SPATA18: variants seen among roughly 807,000 people sequenced by gnomAD.
SPATA18 encodes the protein mitochondria-eating protein.
SPATA18 carries 54 observed loss-of-function variants against 68.1 expected under a neutral mutation model. The observed-to-expected ratio is 0.79, with a 90% CI of 0.64 to 0.99. The LOEUF is 0.99. Among genes scored for constraint, SPATA18 ranks in the 50% least tolerant of loss-of-function variants. SPATA18 has a pLI of 0.00. For synonymous variants in SPATA18, 242 were observed against 244.8 expected (o/e 0.99, Z 0.11); for missense variants, 724 against 681.1 (o/e 1.06, Z -0.70).
At chr4:52,087,111 G>T (rs1186192207) in intron 11 of SPATA18, among the ~76,000 whole-genome samples, 3 of 152,122 alleles carry the variant, frequency 2.0e-5, no homozygotes, top group South Asian at 2.1e-4. Flanking sequence ...TTTTGATGGG[G>T]TTGTTTGTTT....
chr4:52,067,077 CTG>C (rs935074485), intron 4 of SPATA18, among the ~76,000 whole-genome samples: 5 of 152,196 alleles, frequency 3.3e-5, no homozygotes, highest in African/African-American at 1.2e-4. Context: ...AATCACCACA[CTG>C]TGTTTCACAA....
rs1742329906 is a variant in SPATA18 at position 52,095,224 on chromosome 4, C to G, written c.*337C>G. The G allele has an allele frequency of 2.9e-6, 1 of 342,330 alleles. No individual in the cohort carries two copies. The highest frequency in any genetic ancestry group is 5.8e-5 in the South Asian group (1 of 17,196). 21.2% of individuals were successfully genotyped at this position (342,330 alleles called of 1,614,324 possible). ...CGCTCTTTTATGGGAACTGTGTGAA[C>G]TGAAGTGGAAAGCATCTACCATGCT... is the stretch of plus-strand genomic sequence containing the variant. On this transcript the variant is annotated 3_prime_UTR_variant, in exon 13 of 13. Transcript: ENST00000295213.
intron 1 of SPATA18, among the ~76,000 whole-genome samples, chr4:52,057,966 T>G (rs572353305): frequency 5.3e-5 from 8 of 152,334 alleles, no homozygotes; most frequent in African/African-American, 1.9e-4. Context: ...GCTGAGATAC[T>G]CAGGTTTGCT....
chr4:52,060,915 T>C lies in SPATA18; in HGVS notation c.309+18T>C. 6.3e-7 allele frequency: 1 copy of C among 1,592,478 alleles called. No individual in the cohort carries two copies. Among genetic ancestry groups the C allele is most frequent in the East Asian group, 2.2e-5 (1 of 44,760 alleles). ...CTCTGCAGGTAGGGATGCTGAAGGATAACCCTTGACTTTCTGAACAGTGAG... is the reference window on the plus strand; with the variant it reads ...CTCTGCAGGTAGGGATGCTGAAGGACAACCCTTGACTTTCTGAACAGTGAG... On this transcript the variant is annotated intron_variant, in intron 3 of 12. Transcript: ENST00000295213.
intron 4 of SPATA18, among the ~76,000 whole-genome samples, chr4:52,068,786 A>G (rs1739546928): frequency 6.6e-6 from 1 of 152,148 alleles, no homozygotes; most frequent in African/African-American, 2.4e-5. Context: ...AGTCAAGAAG[A>G]CTTTGTCAAC....
chr4:52,085,048 T>A, intron 11 of SPATA18, 49 bp downstream of exon 11: 1 of 11,998 alleles, frequency 8.3e-5, no homozygotes. Context: ...TATGGTTGGC[T>A]TTTTTTTTTT....
At chr4:52,059,386 T>C (rs1252533427) in intron 1 of SPATA18, among the ~76,000 whole-genome samples, 1 of 152,252 alleles carries the variant, frequency 6.6e-6, no homozygotes, top group Non-Finnish European at 1.5e-5. Context: ...CTTGTAGTTG[T>C]ATTCCTTCTT....
Position 52,077,252 on chromosome 4 carries a change from ATCCCTCCC to A in SPATA18, c.1020+224_1020+231del, listed in dbSNP as rs997185489. On this transcript the variant is annotated intron_variant, in intron 7 of 12. Transcript: ENST00000295213. ...CCTTCCTTCCTTCCTTGTTCCCTCC[ATCCCTCCC>A]TCCCTCCCTCCTTTCTTTCCTTCCT... Among the ~76,000 whole-genome samples the A allele has an allele frequency of 3.4e-5, 3 of 87,904 alleles. 1 individual carries two copies. The East Asian group carries it at 1.2e-3, about 34-fold the overall frequency. 57.7% of individuals were successfully genotyped at this position (87,904 alleles called of 152,430 possible). A position where few individuals can be genotyped will look rare whatever the true frequency, so the allele number is the denominator to read the frequency against.
chr4:52,090,646 G>T (rs1244407451), intron 11 of SPATA18, among the ~76,000 whole-genome samples: 2 of 152,162 alleles, frequency 1.3e-5, no homozygotes, highest in African/African-American at 2.4e-5. Flanking sequence ...TCTGCAGACA[G>T]ATTCACTCAC....
At position 52,051,550 on chromosome 4, in the gene SPATA18, C is replaced by T. The variant is rs1016220103; in HGVS notation, c.-155C>T. On this transcript the variant is annotated 5_prime_UTR_variant, in exon 1 of 13. Transcript: ENST00000295213. The stretch of plus-strand genomic sequence containing the variant: ...CTGGCTTCCCGAACCCGGCCAGGTC[C>T]GACCCGAGGGGGAGGATGGAAACAC... The T allele has an allele frequency of 2.7e-6, 2 of 739,002 alleles. No individual in the cohort carries two copies. The highest frequency in any genetic ancestry group is 4.6e-6 in the Non-Finnish European group (2 of 433,046). The allele number at this position is 739,002 out of a possible 1,614,324, so 45.8% of individuals were successfully genotyped here.
intron 1 of SPATA18, among the ~76,000 whole-genome samples, chr4:52,053,073 A>G (rs116509647): frequency 0.02 from 3,103 of 152,350 alleles, 48 homozygotes; most frequent in Non-Finnish European, 0.03. Flanking sequence ...AGAATAAGAA[A>G]TTCTAACATG....
chr4:52,084,648 T>C (rs963246789), intron 10 of SPATA18, among the ~76,000 whole-genome samples: 6 of 152,188 alleles, frequency 3.9e-5, no homozygotes, highest in Non-Finnish European at 5.9e-5. Context: ...AATAGCTTAC[T>C]CATAAAAAAC....
intron 8 of SPATA18, 151 bp from the exon 9 acceptor site, chr4:52,079,593 T>C: frequency 1.2e-6 from 1 of 842,166 alleles, no homozygotes; most frequent in Non-Finnish European, 1.8e-6. Flanking sequence ...GCAACATCTT[T>C]CTCCTTTTAG....
intron 10 of SPATA18, 59 bp from the exon 11 acceptor site, chr4:52,084,857 G>A: frequency 1.3e-6 from 2 of 1,533,436 alleles, no homozygotes; most frequent in East Asian, 4.5e-5. Flanking sequence ...GTTGTTTTGA[G>A]CCATGACAGT....
At chr4:52,072,549 T>C (rs1290966715) in intron 6 of SPATA18, among the ~76,000 whole-genome samples, 2 of 152,088 alleles carry the variant, frequency 1.3e-5, no homozygotes, top group South Asian at 4.2e-4. Context: ...ATTATAGGCA[T>C]ACACCACCAT....
chr4:52,053,257 A>T (rs1738056303), intron 1 of SPATA18, among the ~76,000 whole-genome samples: 2 of 152,240 alleles, frequency 1.3e-5, no homozygotes, highest in Non-Finnish European at 2.9e-5. Flanking sequence ...TTAGTTTATT[A>T]CATTTTCCTG....
intron 11 of SPATA18, among the ~76,000 whole-genome samples, chr4:52,087,182 G>T (rs1170663330): frequency 6.6e-6 from 1 of 152,080 alleles, no homozygotes. Flanking sequence ...TTGTCAGATG[G>T]AGAGACTGCA....
intron 5 of SPATA18, among the ~76,000 whole-genome samples, chr4:52,071,427 C>T (rs1417820338): frequency 2.0e-5 from 3 of 152,188 alleles, no homozygotes; most frequent in Non-Finnish European, 4.4e-5. Context: ...AGTTTTCTCT[C>T]ATATTCCAAC....
chr4:52,092,030 C>T (rs748596273), intron 11 of SPATA18, among the ~76,000 whole-genome samples: 3 of 152,190 alleles, frequency 2.0e-5, no homozygotes, highest in Non-Finnish European at 1.5e-5. Flanking sequence ...ACTCAAGCCT[C>T]AGCAATGGTG....
Sources: allele counts gnomAD v4.1 joint callset (sites outside exome capture counted in the v4.1 genomes callset), GRCh38; gene constraint gnomAD v4.1.1; transcripts MANE v1.5; gene names NCBI Gene and HGNC (gene_info 2026-07-23, HGNC 2026-07-21).